Variants in SHC3 observed in about 807,000 individuals in gnomAD.
SHC3 encodes the protein SHC adaptor protein 3.
SHC3 carries 15 observed loss-of-function variants against 60.4 expected under a neutral mutation model. The observed-to-expected ratio is 0.25, with a 90% CI of 0.17 to 0.38. SHC3 has a LOEUF of 0.38. Among genes scored for constraint, SHC3 ranks in the 10% least tolerant of loss-of-function variants. The pLI is 1.00. For missense variants in SHC3, 677 were observed against 786.1 expected, an observed-to-expected ratio of 0.86 and a Z score of 1.66; for synonymous variants, 294 against 325.9, an observed-to-expected ratio of 0.90 and a Z score of 1.05.
In SHC3 at chr9:89,048,723, TC is replaced by T. The variant is rs1171738824; in HGVS notation, c.963-1730del. On this transcript the variant is annotated intron_variant, in intron 7 of 11. Transcript: ENST00000375835. ...GTGGCATCTGATTTGTTTTTCAGTG[TC>T]CCCAGAGAATGGGGCTGGAACAGCT... Among the ~76,000 whole-genome samples, 3 of 152,216 alleles carry T rather than the reference TC, an allele frequency of 2.0e-5. No individual in the cohort carries two copies. In the East Asian group the frequency reaches 5.8e-4, roughly 29 times the overall value.
intron 6 of SHC3, among the ~76,000 whole-genome samples, chr9:89,059,055 C>T (rs1184172952): frequency 2.2e-4 from 27 of 124,446 alleles, no homozygotes; most frequent in Admixed American, 1.8e-3. Context: ...TGGTGGAGGG[C>T]GGTGGTGGAG....
At chr9:89,045,890 C>T (rs1824764615) in intron 8 of SHC3, 57 bp from the exon 9 acceptor site, 14 of 1,559,022 alleles carry the variant, frequency 9.0e-6, no homozygotes, top group Non-Finnish European at 1.1e-5. Context: ...CATTTCACCA[C>T]TTTTGAAAGC....
intron 1 of SHC3, among the ~76,000 whole-genome samples, chr9:89,164,952 A>G (rs1295851848): frequency 6.6e-6 from 1 of 152,244 alleles, no homozygotes; most frequent in Non-Finnish European, 1.5e-5. Context: ...GTATACACAC[A>G]GTGAAAAATA....
At chr9:89,103,458 GA>G (rs1330827326) in intron 2 of SHC3, among the ~76,000 whole-genome samples, 1 of 152,142 alleles carries the variant, frequency 6.6e-6, no homozygotes, top group African/African-American at 2.4e-5. Context: ...GCAGAGCCAG[GA>G]CTCAGGACTC....
At chr9:89,068,363 G>A (rs1825216288) in intron 5 of SHC3, among the ~76,000 whole-genome samples, 1 of 152,136 alleles carries the variant, frequency 6.6e-6, no homozygotes, top group Non-Finnish European at 1.5e-5. Context: ...TTTTCCTACT[G>A]GGTAAACTGA....
intron 2 of SHC3, among the ~76,000 whole-genome samples, chr9:89,102,419 C>G (rs1268622955): frequency 4.6e-5 from 7 of 152,072 alleles, no homozygotes; most frequent in Non-Finnish European, 1.5e-5. Flanking sequence ...TATTCAGACT[C>G]TGAATTTGAA....
intron 2 of SHC3, among the ~76,000 whole-genome samples, chr9:89,083,624 C>T (rs933043841): frequency 2.6e-5 from 4 of 152,126 alleles, no homozygotes; most frequent in African/African-American, 4.8e-5. Flanking sequence ...GATGTTGTGA[C>T]GGCCAGACTT....
chr9:89,041,976 TA>T, intron 10 of SHC3, 49 bp downstream of exon 10: 1 of 1,608,528 alleles, frequency 6.2e-7, no homozygotes, highest in Non-Finnish European at 8.5e-7. Flanking sequence ...AAAGGCAGGA[TA>T]AAAAGCAACC....
intron 1 of SHC3, among the ~76,000 whole-genome samples, chr9:89,113,438 C>T (rs112673473): frequency 0.028 from 4,218 of 151,942 alleles, 94 homozygotes; most frequent in Middle Eastern, 0.068. Context: ...TTTGGTGAAC[C>T]GAGATCATGC....
At chr9:89,177,909 G>T in intron 1 of SHC3, 78 bp downstream of exon 1, 1 of 1,145,094 alleles carries the variant, frequency 8.7e-7, no homozygotes, top group East Asian at 4.0e-5. Context: ...CGCACCCCGG[G>T]CTTCAGGGAA....
intron 2 of SHC3, among the ~76,000 whole-genome samples, chr9:89,103,076 G>A (rs1825806289): frequency 1.3e-5 from 2 of 152,154 alleles, no homozygotes; most frequent in Non-Finnish European, 2.9e-5. Flanking sequence ...TGTTTGGAAA[G>A]GTGTGCTGCA....
At chr9:89,153,581 C>A (rs557959302) in intron 1 of SHC3, among the ~76,000 whole-genome samples, 1 of 152,188 alleles carries the variant, frequency 6.6e-6, no homozygotes. Context: ...AGCTGAGAAC[C>A]CTCATTTGGG....
rs750898497 is a variant in SHC3 at position 89,038,011 on chromosome 9, G to A, written c.1638C>T (p.Leu546=). The change falls in exon 11 of 12, where the codon CTC becomes CTT. Residue 546 remains leucine, a synonymous_variant. Coordinates refer to ENST00000375835, the MANE Select transcript of SHC3 (RefSeq NM_016848.6). ...MHNGQAKHLL[L]VDPEGTIRTK... is the part of the protein sequence containing the mutation. ...TGCTCACCGTGCCTTCTGGGTCCAC[G>A]AGCAGCAGGTGCTTGGCCTGGCCAT... The A allele has an allele frequency of 1.7e-5, 28 of 1,610,064 alleles. No homozygotes were observed. Among genetic ancestry groups the A allele is most frequent in the African/African-American group, 9.3e-5 (7 of 74,932 alleles).
chr9:89,026,367 C>A (rs1252120470), intron 11 of SHC3, among the ~76,000 whole-genome samples: 4 of 152,124 alleles, frequency 2.6e-5, no homozygotes, highest in African/African-American at 9.7e-5. Flanking sequence ...GTCTCCACAA[C>A]CCCTTATCTT....
intron 1 of SHC3, among the ~76,000 whole-genome samples, chr9:89,149,599 A>G (rs1314886534): frequency 6.6e-6 from 1 of 152,224 alleles, no homozygotes; most frequent in Non-Finnish European, 1.5e-5. Flanking sequence ...TAATGAAGTC[A>G]AATTCCCACA....
chr9:89,168,447 A>G (rs1826822049), intron 1 of SHC3, among the ~76,000 whole-genome samples: 1 of 152,146 alleles, frequency 6.6e-6, no homozygotes, highest in African/African-American at 2.4e-5. Context: ...CTGGGCAACA[A>G]GAGCAAAACT....
chr9:89,136,816 G>T (rs1162512489), intron 1 of SHC3, among the ~76,000 whole-genome samples: 2 of 151,778 alleles, frequency 1.3e-5, no homozygotes, highest in East Asian at 3.9e-4. Context: ...CCACTTTCAG[G>T]TAACAATATG....
At chr9:89,095,655 C>CA (rs368297508) in intron 2 of SHC3, among the ~76,000 whole-genome samples, 77 of 149,176 alleles carry the variant, frequency 5.2e-4, no homozygotes, top group East Asian at 1.6e-3. Flanking sequence ...AAGTAAAAGC[C>CA]AAAAAAAAAC....
chr9:89,144,731 T>C (rs1295637469), intron 1 of SHC3, among the ~76,000 whole-genome samples: 1 of 152,206 alleles, frequency 6.6e-6, no homozygotes, highest in African/African-American at 2.4e-5. Flanking sequence ...ATGCTTTCTG[T>C]AGTTTTTCAA....
Sources: allele counts gnomAD v4.1 joint callset (sites outside exome capture counted in the v4.1 genomes callset), GRCh38; gene constraint gnomAD v4.1.1; transcripts MANE v1.5; gene names NCBI Gene and HGNC (gene_info 2026-07-23, HGNC 2026-07-21).